FAM227B: variants seen among roughly 807,000 people sequenced by gnomAD.
FAM227B encodes protein FAM227B.
FAM227B carries 88 observed loss-of-function variants against 73.8 expected under a neutral mutation model. That is an observed-to-expected ratio of 1.19 (90% CI 1.00 to 1.42). FAM227B has a LOEUF of 1.42. Among genes scored for constraint, FAM227B ranks in the 40% most tolerant of loss-of-function variants. The pLI is 0.00. For missense variants in FAM227B, 632 were observed against 590.9 expected (o/e 1.07, Z -0.72); for synonymous variants, 210 against 190.5 (o/e 1.10, Z -0.84).
intron 11 of FAM227B, among the ~76,000 whole-genome samples, chr15:49,459,913 G>A (rs902368986): frequency 6.6e-5 from 10 of 152,166 alleles, no homozygotes; most frequent in African/African-American, 2.2e-4. Context: ...ATGGGCAAAT[G>A]CCACACATTA....
intron 11 of FAM227B, among the ~76,000 whole-genome samples, chr15:49,504,757 T>G (rs371189915): frequency 1.3e-5 from 2 of 152,158 alleles, no homozygotes; most frequent in Non-Finnish European, 2.9e-5. Flanking sequence ...ACACCATGCT[T>G]TCTGTAAAGC....
At position 49,576,790 on chromosome 15, in the gene FAM227B, A is replaced by G; in HGVS notation, c.497T>C (p.Leu166Ser). Residue 166 changes from leucine to serine, a missense_variant, in exon 7 of 16, where the codon TTG becomes TCG. Coordinates refer to ENST00000299338, the MANE Select transcript of FAM227B (RefSeq NM_152647.3). ...AAAAAGATAAATTTGTTCAGCATCC[A>G]AATGTCTGGGTAGCTGAGTAAGTTC... ...ANELTQLPRH[L>S]DAEQIYLFIL... 1 of 1,613,000 alleles carries G rather than the reference A, an allele frequency of 6.2e-7. No homozygotes were observed. The highest frequency in any genetic ancestry group is 8.5e-7 in the Non-Finnish European group (1 of 1,179,278).
At chr15:49,329,293 C>G in intron 15 of FAM227B, 2 of 985,414 alleles carry the variant, frequency 2.0e-6, no homozygotes, top group Non-Finnish European at 2.4e-6. Context: ...GACTGGCTTT[C>G]TCTTGTGGAT....
At chr15:49,470,126 G>T (rs908551111) in intron 11 of FAM227B, among the ~76,000 whole-genome samples, 18 of 152,108 alleles carry the variant, frequency 1.2e-4, no homozygotes, top group Non-Finnish European at 4.4e-5. Flanking sequence ...ACGGTATTAT[G>T]ATCAAAGCGT....
chr15:49,469,683 T>A (rs1179038247), intron 11 of FAM227B, among the ~76,000 whole-genome samples: 1 of 152,162 alleles, frequency 6.6e-6, no homozygotes, highest in Non-Finnish European at 1.5e-5. Flanking sequence ...AGGAACTTCA[T>A]TTGCAAGAAC....
At chr15:49,361,808 T>C (rs1046045569) in intron 13 of FAM227B, among the ~76,000 whole-genome samples, 1 of 152,200 alleles carries the variant, frequency 6.6e-6, no homozygotes, top group African/African-American at 2.4e-5. Flanking sequence ...TTCAGTTCTT[T>C]GAGAAATTGC....
intron 11 of FAM227B, among the ~76,000 whole-genome samples, chr15:49,440,642 G>C (rs1395769204): frequency 1.3e-5 from 2 of 151,640 alleles, no homozygotes; most frequent in African/African-American, 4.8e-5. Flanking sequence ...TTAACTATTT[G>C]TCAGGCACAG....
chr15:49,419,251 C>A (rs991908073), intron 11 of FAM227B, among the ~76,000 whole-genome samples: 1 of 152,214 alleles, frequency 6.6e-6, no homozygotes, highest in Non-Finnish European at 1.5e-5. Context: ...ACAAGCATGG[C>A]TCCCCAAATA....
intron 9 of FAM227B, among the ~76,000 whole-genome samples, chr15:49,552,996 C>G (rs2073213868): frequency 6.6e-6 from 1 of 152,114 alleles, no homozygotes; most frequent in Non-Finnish European, 1.5e-5. Flanking sequence ...TTGCTGAAGT[C>G]TTTTCCTGGA....
intron 3 of FAM227B, chr15:49,606,265 T>G (rs1258311162): frequency 6.6e-6 from 1 of 152,120 alleles, no homozygotes; most frequent in Non-Finnish European, 1.5e-5. Flanking sequence ...GAGTCATTTC[T>G]CCTAAGTATT....
At chr15:49,446,293 A>C (rs1320503501) in intron 11 of FAM227B, among the ~76,000 whole-genome samples, 2 of 151,536 alleles carry the variant, frequency 1.3e-5, no homozygotes, top group Non-Finnish European at 3.0e-5. Flanking sequence ...TTAAGATTTA[A>C]ATTAGTGCAG....
At chr15:49,348,699 T>A (rs980143225) in intron 13 of FAM227B, among the ~76,000 whole-genome samples, 4 of 152,212 alleles carry the variant, frequency 2.6e-5, no homozygotes, top group African/African-American at 9.7e-5. Context: ...AATTATTATC[T>A]GATCAATATT....
At chr15:49,361,309 G>C (rs1181328251) in intron 13 of FAM227B, among the ~76,000 whole-genome samples, 1 of 152,014 alleles carries the variant, frequency 6.6e-6, no homozygotes, top group African/African-American at 2.4e-5. Context: ...GTAAATTGAT[G>C]TTACAGGGAT....
At chr15:49,353,844 G>C (rs528751356) in intron 13 of FAM227B, 1 of 152,180 alleles carries the variant, frequency 6.6e-6, no homozygotes, top group Admixed American at 6.5e-5. Flanking sequence ...TGCATTACTA[G>C]GTTCTTACCA....
chr15:49,470,743 T>A (rs1330193782), intron 11 of FAM227B, among the ~76,000 whole-genome samples: 1 of 152,262 alleles, frequency 6.6e-6, no homozygotes, highest in East Asian at 1.9e-4. Flanking sequence ...AATGAGTATT[T>A]GTGATCTATC....
At chr15:49,609,026 T>C (rs929449870) in intron 3 of FAM227B, among the ~76,000 whole-genome samples, 4 of 151,988 alleles carry the variant, frequency 2.6e-5, no homozygotes, top group African/African-American at 9.7e-5. Context: ...TAGAATCTTT[T>C]GTCTTTGTTC....
intron 11 of FAM227B, among the ~76,000 whole-genome samples, chr15:49,412,204 G>A (rs1392065446): frequency 1.3e-5 from 2 of 151,988 alleles, no homozygotes; most frequent in African/African-American, 4.8e-5. Flanking sequence ...AAAAAAATCA[G>A]TCTTATTTTG....
At chr15:49,373,170 A>C (rs565521069) in intron 11 of FAM227B, among the ~76,000 whole-genome samples, 2 of 152,176 alleles carry the variant, frequency 1.3e-5, no homozygotes, top group African/African-American at 4.8e-5. Context: ...TTCACTGTAC[A>C]CACAATAAAA....
At chr15:49,422,461 GATAATCA>G in intron 11 of FAM227B, 1 of 1,160,116 alleles carries the variant, frequency 8.6e-7, no homozygotes, top group East Asian at 3.1e-5. Context: ...ATCAAACACT[GATAATCA>G]ATGTGAAACC....
Sources: gnomAD v4.1 joint callset for allele counts (sites outside exome capture counted in the v4.1 genomes callset) on GRCh38, gnomAD v4.1.1 for gene constraint, MANE v1.5 for transcripts, NCBI Gene and HGNC (gene_info 2026-07-23, HGNC 2026-07-21) for gene names.